The following CLVS1 variants were observed in gnomAD, a reference collection of about 807,000 sequenced individuals.
The protein encoded by CLVS1 is clavesin-1.
A neutral mutation model predicts 33.1 loss-of-function variants in CLVS1; 10 were observed. The observed-to-expected ratio is 0.30, with a 90% confidence interval of 0.19 to 0.51. The LOEUF (loss-of-function observed/expected upper bound fraction) is 0.51. Among genes scored for constraint, CLVS1 ranks in the 20% least tolerant of loss-of-function variants. CLVS1 has a pLI of 0.97. For synonymous variants in CLVS1, 163 were observed against 166.1 expected (o/e 0.98, Z 0.14); for missense variants, 343 against 433.4 (o/e 0.79, Z 1.85).
At chr8:61,387,723 T>C (rs540704366) in intron 3 of CLVS1, among the ~76,000 whole-genome samples, 4 of 152,308 alleles carry the variant, frequency 2.6e-5, no homozygotes, top group African/African-American at 9.6e-5. Flanking sequence ...AGTGAGAGCA[T>C]ACGATGTTTG....
At chr8:61,186,313 T>C (rs1269735037) in intron 2 of CLVS1, among the ~76,000 whole-genome samples, 1 of 152,262 alleles carries the variant, frequency 6.6e-6, no homozygotes, top group Non-Finnish European at 1.5e-5. Flanking sequence ...GTCATATCTC[T>C]GTAGCTGGTC....
chr8:61,347,054 A>G (rs1446857626), intron 2 of CLVS1, among the ~76,000 whole-genome samples: 1 of 152,172 alleles, frequency 6.6e-6, no homozygotes, highest in Admixed American at 6.5e-5. Context: ...ATGTTGTACA[A>G]CTAACTCTAA....
the CLVS1 span, among the ~76,000 whole-genome samples, chr8:61,018,020 C>T: frequency 1.3e-5 from 2 of 152,050 alleles, no homozygotes. Context: ...CCTGTTTTTG[C>T]CTTTGGAGGG....
chr8:61,217,121 C>A (rs1482304095), intron 2 of CLVS1, among the ~76,000 whole-genome samples: 1 of 152,094 alleles, frequency 6.6e-6, no homozygotes, highest in Non-Finnish European at 1.5e-5. Context: ...GAGACTTTTT[C>A]ATGATTTTCC....
chr8:61,462,551 T>C (rs1392289503), intron 5 of CLVS1, among the ~76,000 whole-genome samples: 1 of 152,160 alleles, frequency 6.6e-6, no homozygotes, highest in African/African-American at 2.4e-5. Context: ...GTGAAAGTCA[T>C]GGACTGCAGA....
At chr8:61,117,802 A>G (rs1305609328) in intron 1 of CLVS1, among the ~76,000 whole-genome samples, 2 of 152,182 alleles carry the variant, frequency 1.3e-5, no homozygotes, top group Non-Finnish European at 2.9e-5. Context: ...TTTTGCATCA[A>G]TGTTCATCAA....
At chr8:61,185,021 A>G (rs1464371027) in intron 2 of CLVS1, among the ~76,000 whole-genome samples, 1 of 152,182 alleles carries the variant, frequency 6.6e-6, no homozygotes, top group Non-Finnish European at 1.5e-5. Flanking sequence ...TAATGGTTTT[A>G]GGTTTTTTTC....
the CLVS1 span, among the ~76,000 whole-genome samples, chr8:60,995,678 CT>C: frequency 6.6e-6 from 1 of 152,252 alleles, no homozygotes. Flanking sequence ...ACCCAAAGGA[CT>C]ATAAATCATG....
At chr8:61,133,261 C>T (rs112483578) in intron 2 of CLVS1, among the ~76,000 whole-genome samples, 48 of 152,174 alleles carry the variant, frequency 3.2e-4, no homozygotes, top group African/African-American at 1.2e-3. Context: ...GAAGGGGGCA[C>T]AGACGAGGGG....
intron 1 of CLVS1, among the ~76,000 whole-genome samples, chr8:61,114,884 G>C (rs1805689797): frequency 6.6e-6 from 1 of 152,106 alleles, no homozygotes; most frequent in South Asian, 2.1e-4. Flanking sequence ...ACAACAAAAA[G>C]CTTCCAGTGT....
intron 2 of CLVS1, among the ~76,000 whole-genome samples, chr8:61,351,806 C>T (rs1812476763): frequency 6.6e-6 from 1 of 151,966 alleles, no homozygotes; most frequent in South Asian, 2.1e-4. Flanking sequence ...AAGAAAATAG[C>T]TGTCAACTGT....
At chr8:61,461,585 A>G (rs1489303961) in intron 5 of CLVS1, among the ~76,000 whole-genome samples, 1 of 152,228 alleles carries the variant, frequency 6.6e-6, no homozygotes, top group Admixed American at 6.5e-5. Flanking sequence ...CATGTGTTTA[A>G]TACTGCATGC....
At chr8:60,986,791 T>A in the CLVS1 span, among the ~76,000 whole-genome samples, 1 of 152,180 alleles carries the variant, frequency 6.6e-6, no homozygotes, top group Non-Finnish European at 1.5e-5. Context: ...TGCCATAAGC[T>A]TATGGGTAAC....
the CLVS1 span, among the ~76,000 whole-genome samples, chr8:61,033,677 G>T: frequency 6.6e-6 from 1 of 152,228 alleles, no homozygotes; most frequent in Admixed American, 6.5e-5. Flanking sequence ...GAACAGCTCA[G>T]ATGTAACCAC....
intron 2 of CLVS1, among the ~76,000 whole-genome samples, chr8:61,344,310 G>A (rs1812124674): frequency 6.6e-6 from 1 of 152,166 alleles, no homozygotes; most frequent in Admixed American, 6.5e-5. Flanking sequence ...GCCTCCCAAA[G>A]TGCTGAGATT....
At chr8:61,222,391 T>G (rs1321649585) in intron 2 of CLVS1, among the ~76,000 whole-genome samples, 4 of 152,232 alleles carry the variant, frequency 2.6e-5, no homozygotes, top group Admixed American at 2.6e-4. Context: ...CTCTTTTTTC[T>G]CATGAATTTC....
At chr8:61,169,505 T>A (rs1431618441) in intron 2 of CLVS1, among the ~76,000 whole-genome samples, 1 of 152,214 alleles carries the variant, frequency 6.6e-6, no homozygotes, top group African/African-American at 2.4e-5. Context: ...GCTGTTCATT[T>A]ATTCTTCTAA....
chr8:61,384,130 G>C (rs1314868215), intron 3 of CLVS1, among the ~76,000 whole-genome samples: 1 of 152,230 alleles, frequency 6.6e-6, no homozygotes, highest in Non-Finnish European at 1.5e-5. Context: ...CTTACAGACA[G>C]TGGAGAGAAT....
At chr8:61,249,385 A>T (rs529411563) in intron 2 of CLVS1, among the ~76,000 whole-genome samples, 2 of 152,252 alleles carry the variant, frequency 1.3e-5, no homozygotes, top group South Asian at 4.1e-4. Context: ...AAACATACAC[A>T]TGCATGTGTC....
Sources: allele counts gnomAD v4.1 joint callset (sites outside exome capture counted in the v4.1 genomes callset), GRCh38; gene constraint gnomAD v4.1.1; transcripts MANE v1.5; gene names NCBI Gene and HGNC (gene_info 2026-07-23, HGNC 2026-07-21).